CRYL1: variants seen among roughly 807,000 people sequenced by gnomAD.
The protein encoded by CRYL1 is crystallin lambda 1, also known as lambda-crystallin homolog.
In CRYL1, 29 loss-of-function variants were observed where a neutral mutation model predicts 36.6. The observed-to-expected ratio is 0.79, with a 90% confidence interval of 0.59 to 1.08. The LOEUF is 1.08. Among genes scored for constraint, CRYL1 ranks in the 50% least tolerant of loss-of-function variants. CRYL1 has a pLI of 0.00. For synonymous variants in CRYL1, 152 were observed against 151.5 expected (o/e 1.00, Z -0.02); for missense variants, 411 against 407.9 (o/e 1.01, Z -0.06).
intron 3 of CRYL1, among the ~76,000 whole-genome samples, chr13:20,477,592 C>T (rs533305387): frequency 1.3e-5 from 2 of 148,972 alleles, no homozygotes; most frequent in South Asian, 4.2e-4. Flanking sequence ...GATTGACACA[C>T]AGTAGGTATA....
Position 20,470,334 on chromosome 13 carries a change from G to A in CRYL1, c.276+19036C>T, listed in dbSNP as rs940870610. Reference sequence around the variant, plus strand: ...TGTGCTTCCCCAGAATGCAGGCAGCGGCCGCTGCAGGGAAGGAGACCACAC... The same window carrying A: ...TGTGCTTCCCCAGAATGCAGGCAGCAGCCGCTGCAGGGAAGGAGACCACAC... On this transcript the variant is annotated intron_variant, in intron 3 of 7. Transcript: ENST00000298248. Among the ~76,000 whole-genome samples the A allele has an allele frequency of 3.9e-5, 6 of 152,284 alleles. No homozygotes were observed. In the South Asian group the frequency reaches 1.2e-3, roughly 32 times the overall value.
chr13:20,446,314 G>A (rs1321850341), intron 3 of CRYL1, among the ~76,000 whole-genome samples: 2 of 152,140 alleles, frequency 1.3e-5, no homozygotes, highest in Admixed American at 6.5e-5. Context: ...TTTTTGCCAT[G>A]TTGGCCAGGC....
rs184519255 is a variant in CRYL1, at chr13:20,433,707, A to C, written c.439-1411T>G. ...AGTGTGTCTTTCTCAGATGAATTTT[A>C]CCTTATTTTATATAAAGCAGGCATG... On this transcript the variant is annotated intron_variant, in intron 4 of 7. Transcript: ENST00000298248. The C allele has an allele frequency of 2.6e-3, 400 of 154,522 alleles. 2 individuals are homozygous for C. Among genetic ancestry groups the C allele is most frequent in the African/African-American group, 8.4e-3 (349 of 41,652 alleles). 9.6% of individuals were successfully genotyped at this position (154,522 alleles called of 1,614,324 possible).
chr13:20,412,620 T>G (rs2031552925), intron 6 of CRYL1, among the ~76,000 whole-genome samples: 1 of 152,236 alleles, frequency 6.6e-6, no homozygotes, highest in South Asian at 2.1e-4. Context: ...TCTTTTTGGA[T>G]CAATTAAAAT....
rs199685830 is a variant in CRYL1 at position 20,439,767 on chromosome 13, C to T, written c.277-13G>A. The T allele has an allele frequency of 3.3e-4, 536 of 1,612,870 alleles. 1 individual carries two copies. Among genetic ancestry groups the T allele is most frequent in the Non-Finnish European group, 4.3e-4 (504 of 1,179,130 alleles). On this transcript the variant is annotated splice_polypyrimidine_tract_variant and intron_variant, in intron 3 of 7. Transcript: ENST00000298248. ...CTGGAACACATTCCTGAAAAGGACA[C>T]GTTTAAATGACTATTCATGACCACT...
intron 5 of CRYL1, chr13:20,418,531 T>A (rs1237913766): frequency 6.6e-6 from 1 of 152,220 alleles, no homozygotes; most frequent in Non-Finnish European, 1.5e-5. Flanking sequence ...CACCGAACCA[T>A]CTTTCCTTCT....
chr13:20,499,878 G>A (rs2033674582), intron 2 of CRYL1, among the ~76,000 whole-genome samples: 1 of 152,144 alleles, frequency 6.6e-6, no homozygotes, highest in African/African-American at 2.4e-5. Context: ...TTTAACTGTG[G>A]TTGTCCTAAG....
At chr13:20,507,635 C>T (rs1264670079) in intron 2 of CRYL1, among the ~76,000 whole-genome samples, 1 of 152,190 alleles carries the variant, frequency 6.6e-6, no homozygotes, top group African/African-American at 2.4e-5. Context: ...AGTCCACGCC[C>T]AGGCTGGGCA....
chr13:20,460,362 C>T (rs2032782758), intron 3 of CRYL1, among the ~76,000 whole-genome samples: 1 of 152,126 alleles, frequency 6.6e-6, no homozygotes, highest in Non-Finnish European at 1.5e-5. Flanking sequence ...GTTTATTTTT[C>T]AATTACTAAT....
intron 5 of CRYL1, among the ~76,000 whole-genome samples, chr13:20,416,890 G>T (rs1324249163): frequency 6.6e-6 from 1 of 152,132 alleles, no homozygotes; most frequent in Non-Finnish European, 1.5e-5. Flanking sequence ...CATGTTCTCA[G>T]TTCTGCCTGA....
intron 2 of CRYL1, among the ~76,000 whole-genome samples, chr13:20,501,531 C>A (rs1327510588): frequency 6.6e-6 from 1 of 151,844 alleles, no homozygotes; most frequent in African/African-American, 2.4e-5. Flanking sequence ...AAGGGGATTT[C>A]TGGCAGGGTC....
intron 2 of CRYL1, 39 bp downstream of exon 2, chr13:20,512,404 C>CCCA: frequency 7.1e-7 from 1 of 1,399,034 alleles, no homozygotes; most frequent in Non-Finnish European, 1.0e-6. Context: ...GAGAAACAGA[C>CCCA]CCACTTCCAT....
chr13:20,432,189 G>A lies in CRYL1; in HGVS notation c.546C>T (p.Cys182=). The change falls in exon 5 of 8, where the codon TGC becomes TGT. Residue 182 remains cysteine (C), a synonymous_variant. Coordinates refer to ENST00000298248, the MANE Select transcript of CRYL1 (RefSeq NM_015974.3). ...CCACCTCCTTCTGGACTCGCATGGG[G>A]CACTGTCCAATCTTCTTCATCAGGG... ...THALMKKIGQ[C]PMRVQKEVAG... 6.2e-7 allele frequency: 1 copy of A among 1,614,054 alleles called. No homozygotes were observed. The highest frequency in any genetic ancestry group is 8.5e-7 in the Non-Finnish European group (1 of 1,180,004).
At chr13:20,502,654 C>CA (rs150318673) in intron 2 of CRYL1, among the ~76,000 whole-genome samples, 85 of 146,688 alleles carry the variant, frequency 5.8e-4, no homozygotes, top group African/African-American at 9.8e-4. Context: ...GACTCCGTCT[C>CA]AAAAAAAAAA....
chr13:20,507,750 C>G (rs1178685055), intron 2 of CRYL1, among the ~76,000 whole-genome samples: 1 of 151,898 alleles, frequency 6.6e-6, no homozygotes, highest in Non-Finnish European at 1.5e-5. Flanking sequence ...AACCCCGTCT[C>G]TACTAAAAAT....
At chr13:20,487,363 G>A (rs1480033942) in intron 3 of CRYL1, among the ~76,000 whole-genome samples, 4 of 152,130 alleles carry the variant, frequency 2.6e-5, no homozygotes, top group Non-Finnish European at 5.9e-5. Context: ...GATAAAATTT[G>A]CAGTGCCAGC....
At chr13:20,492,977 C>A (rs1158351492) in intron 2 of CRYL1, among the ~76,000 whole-genome samples, 1 of 152,170 alleles carries the variant, frequency 6.6e-6, no homozygotes, top group Non-Finnish European at 1.5e-5. Flanking sequence ...AGAGTCAATG[C>A]CCCCACCGGT....
chr13:20,511,764 C>G (rs2033921480), intron 2 of CRYL1, among the ~76,000 whole-genome samples: 1 of 152,224 alleles, frequency 6.6e-6, no homozygotes, highest in African/African-American at 2.4e-5. Flanking sequence ...GCCTTTGCTT[C>G]TGGGCACGCT....
chr13:20,466,088 G>T (rs2032927080), intron 3 of CRYL1, among the ~76,000 whole-genome samples: 1 of 152,144 alleles, frequency 6.6e-6, no homozygotes, highest in African/African-American at 2.4e-5. Flanking sequence ...CCAACACCAT[G>T]CTTCTTGAAG....
Sources: gnomAD v4.1 joint callset for allele counts (sites outside exome capture counted in the v4.1 genomes callset) on GRCh38, gnomAD v4.1.1 for gene constraint, MANE v1.5 for transcripts, NCBI Gene and HGNC (gene_info 2026-07-23, HGNC 2026-07-21) for gene names.